Variants in HCN1 observed in about 807,000 individuals in gnomAD.
HCN1 encodes the protein hyperpolarization activated cyclic nucleotide gated potassium channel 1, also known as potassium/sodium hyperpolarization-activated cyclic nucleotide-gated channel 1.
A neutral mutation model predicts 78.9 loss-of-function variants in HCN1; 13 were observed. The ratio of observed to expected loss-of-function variants is 0.16; its 90% confidence interval spans 0.11 to 0.26. HCN1 has a LOEUF of 0.26. HCN1 is among the 10% of genes least tolerant of loss of function. HCN1 has a pLI of 1.00. For synonymous variants in HCN1, 552 were observed against 455.5 expected (o/e 1.21, Z -2.70); for missense variants, 810 against 1,154.3 (o/e 0.70, Z 4.32).
At chr5:45,680,168 A>T (rs1739677402) in intron 1 of HCN1, among the ~76,000 whole-genome samples, 1 of 152,086 alleles carries the variant, frequency 6.6e-6, no homozygotes, top group Admixed American at 6.6e-5. Context: ...CAACTAAATT[A>T]TTTTGCTGTT....
rs1185166415 is a variant in HCN1, at chr5:45,262,120, G to A, written c.2474C>T (p.Thr825Met). Residue 825 changes from threonine (T) to methionine (M), a missense_variant, in exon 8 of 8, where the codon ACG (threonine) becomes ATG (methionine). Transcript: ENST00000303230. ...IPQPVTAVPG[T>M]GLQAGGRSTV... ...GCTCCTGCCCCCTGCCTGAAGGCCCGTTCCGGGGACCGCCGTCACGGGTTG... is the reference window on the plus strand; with the variant it reads ...GCTCCTGCCCCCTGCCTGAAGGCCCATTCCGGGGACCGCCGTCACGGGTTG... The A allele has an allele frequency of 1.2e-6, 2 of 1,612,878 alleles. No individual in the cohort carries two copies. Among genetic ancestry groups the A allele is most frequent in the Non-Finnish European group, 1.7e-6 (2 of 1,179,308 alleles).
intron 7 of HCN1, among the ~76,000 whole-genome samples, chr5:45,264,704 CATA>C (rs1744818834): frequency 6.6e-6 from 1 of 152,128 alleles, no homozygotes; most frequent in African/African-American, 2.4e-5. Context: ...AACCGAGAAG[CATA>C]ATGTTTCTTT....
At chr5:45,411,613 C>T (rs1740026034) in intron 3 of HCN1, among the ~76,000 whole-genome samples, 2 of 151,700 alleles carry the variant, frequency 1.3e-5, no homozygotes, top group Non-Finnish European at 2.9e-5. Flanking sequence ...GGTTATTTTA[C>T]CTTTAGGAAA....
At chr5:45,524,923 T>C (rs1742700154) in intron 2 of HCN1, among the ~76,000 whole-genome samples, 1 of 152,092 alleles carries the variant, frequency 6.6e-6, no homozygotes, top group Non-Finnish European at 1.5e-5. Context: ...AGAGGGCATC[T>C]CTGTCTTGTG....
chr5:45,693,247 A>T (rs1324252251), intron 1 of HCN1, among the ~76,000 whole-genome samples: 5 of 152,216 alleles, frequency 3.3e-5, no homozygotes, highest in Non-Finnish European at 7.4e-5. Flanking sequence ...ATTGGTTTTG[A>T]GATCATACAA....
At chr5:45,616,147 A>C (rs1290383907) in intron 2 of HCN1, among the ~76,000 whole-genome samples, 3 of 151,704 alleles carry the variant, frequency 2.0e-5, no homozygotes, top group African/African-American at 7.3e-5. Context: ...CTGGCAGTTC[A>C]TACACATTTT....
At chr5:45,693,616 T>G (rs1408289635) in intron 1 of HCN1, among the ~76,000 whole-genome samples, 6 of 152,178 alleles carry the variant, frequency 3.9e-5, no homozygotes, top group Non-Finnish European at 2.9e-5. Context: ...ATTAAAGAGA[T>G]ATTTTGTCTC....
intron 2 of HCN1, among the ~76,000 whole-genome samples, chr5:45,531,990 A>C (rs1742861565): frequency 6.6e-6 from 1 of 152,188 alleles, no homozygotes; most frequent in Non-Finnish European, 1.5e-5. Flanking sequence ...CAGAGAGCCG[A>C]GATCGCACCA....
chr5:45,456,350 A>C (rs1397914989), intron 3 of HCN1, among the ~76,000 whole-genome samples: 1 of 152,050 alleles, frequency 6.6e-6, no homozygotes. Flanking sequence ...ATTTTAAAAA[A>C]TGCTGATAAT....
intron 2 of HCN1, among the ~76,000 whole-genome samples, chr5:45,618,643 G>C (rs934226807): frequency 6.6e-6 from 1 of 152,046 alleles, no homozygotes; most frequent in Non-Finnish European, 1.5e-5. Flanking sequence ...ATGGTCTGTA[G>C]TATTCTTTCT....
intron 2 of HCN1, among the ~76,000 whole-genome samples, chr5:45,478,170 C>G (rs1453272885): frequency 6.6e-6 from 1 of 151,792 alleles, no homozygotes; most frequent in Non-Finnish European, 1.5e-5. Context: ...AATTCATATA[C>G]TTTGAAATAG....
intron 4 of HCN1, among the ~76,000 whole-genome samples, chr5:45,373,508 T>A (rs1004199865): frequency 2.1e-5 from 3 of 140,822 alleles, no homozygotes; most frequent in Non-Finnish European, 4.6e-5. Flanking sequence ...ATTATATACA[T>A]CATCTATAAT....
chr5:45,518,699 G>A (rs1176094885), intron 2 of HCN1, among the ~76,000 whole-genome samples: 2 of 151,886 alleles, frequency 1.3e-5, no homozygotes, highest in Non-Finnish European at 2.9e-5. Context: ...TCATCCTGGG[G>A]GTCATTTTTC....
chr5:45,522,477 T>C (rs1047581011), intron 2 of HCN1, among the ~76,000 whole-genome samples: 10 of 152,006 alleles, frequency 6.6e-5, no homozygotes, highest in African/African-American at 2.4e-4. Context: ...ATCAGTACTA[T>C]ACCCCTACAA....
chr5:45,680,939 T>C (rs1040981639), intron 1 of HCN1, among the ~76,000 whole-genome samples: 1 of 152,120 alleles, frequency 6.6e-6, no homozygotes, highest in African/African-American at 2.4e-5. Context: ...CTTCTTCAAG[T>C]GGGATCCTGA....
intron 1 of HCN1, among the ~76,000 whole-genome samples, chr5:45,669,039 A>G (rs1746102738): frequency 6.6e-6 from 1 of 151,880 alleles, no homozygotes; most frequent in Non-Finnish European, 1.5e-5. Context: ...AAATCTTGAG[A>G]AAATTCCTCC....
chr5:45,267,332 A>G, intron 6 of HCN1, 79 bp from the exon 7 acceptor site: 6 of 1,322,086 alleles, frequency 4.5e-6, no homozygotes, highest in Non-Finnish European at 6.5e-6. Context: ...CCACAACTTA[A>G]AACAAGTCTC....
intron 5 of HCN1, among the ~76,000 whole-genome samples, chr5:45,310,231 C>T (rs971509780): frequency 2.0e-5 from 3 of 152,008 alleles, no homozygotes; most frequent in Non-Finnish European, 4.4e-5. Context: ...AACAGACAAC[C>T]TGTGGAATGG....
intron 6 of HCN1, among the ~76,000 whole-genome samples, chr5:45,272,599 T>C (rs902257579): frequency 6.6e-6 from 1 of 152,098 alleles, no homozygotes; most frequent in Non-Finnish European, 1.5e-5. Context: ...AGTTATCTTC[T>C]TAAGTTTTGG....
Sources: allele counts gnomAD v4.1 joint callset (sites outside exome capture counted in the v4.1 genomes callset), GRCh38; gene constraint gnomAD v4.1.1; transcripts MANE v1.5; gene names NCBI Gene and HGNC (gene_info 2026-07-23, HGNC 2026-07-21).